The following ERMARD variants were observed in gnomAD, a reference collection of about 807,000 sequenced individuals.
The protein encoded by ERMARD is endoplasmic reticulum membrane-associated RNA degradation protein.
Under a neutral mutation model 83.9 loss-of-function variants are expected in ERMARD, and 71 were observed. The observed-to-expected ratio is 0.85, with a 90% CI of 0.70 to 1.03. ERMARD has a LOEUF of 1.03. ERMARD is among the 50% of genes least tolerant of loss of function. The pLI, the probability that ERMARD is intolerant of heterozygous loss-of-function variation, is 0.00. For missense variants in ERMARD, 838 were observed against 810.9 expected (o/e 1.03, Z -0.41); for synonymous variants, 284 against 298.6 (o/e 0.95, Z 0.50).
chr6:169,781,583 A>G lies in ERMARD; in HGVS notation c.*70A>G. ...GCGTGTAAATTAAAAACCCAAAGAC[A>G]GGGTGGAGTTGAGGGTCTGCTTGGC... On this transcript the variant is annotated 3_prime_UTR_variant, in exon 18 of 18. Transcript: ENST00000366773. 1.4e-6 allele frequency: 2 copies of G among 1,421,364 alleles called. No homozygotes were observed. Among genetic ancestry groups the G allele is most frequent in the Non-Finnish European group, 1.9e-6 (2 of 1,059,404 alleles). 88.0% of individuals were successfully genotyped at this position (1,421,364 alleles called of 1,614,324 possible).
At chr6:169,761,304 ACTC>A (rs1481943800) in intron 8 of ERMARD, among the ~76,000 whole-genome samples, 1 of 152,148 alleles carries the variant, frequency 6.6e-6, no homozygotes, top group African/African-American at 2.4e-5. Flanking sequence ...GCAGCCTTGA[ACTC>A]CTGGGCTCAA....
At chr6:169,768,334 C>T (rs1792468280) in intron 11 of ERMARD, among the ~76,000 whole-genome samples, 163 bp downstream of exon 11, 2 of 152,224 alleles carry the variant, frequency 1.3e-5, no homozygotes, top group Admixed American at 1.3e-4. Flanking sequence ...TGATGTTTGC[C>T]AAGCTGTCAC....
chr6:169,753,402 G>A (rs552194465), intron 1 of ERMARD: 1 of 154,394 alleles, frequency 6.5e-6, no homozygotes, highest in Admixed American at 6.5e-5. Context: ...CTTCTTGTTC[G>A]TTATACTTGG....
At chr6:169,774,983 G>A (rs1361130867) in intron 13 of ERMARD, among the ~76,000 whole-genome samples, 2 of 152,178 alleles carry the variant, frequency 1.3e-5, no homozygotes, top group African/African-American at 4.8e-5. Flanking sequence ...GCCAGAGCTC[G>A]TGCAGATTTG....
chr6:169,774,695 A>G (rs1365980345), intron 13 of ERMARD, among the ~76,000 whole-genome samples: 1 of 152,144 alleles, frequency 6.6e-6, no homozygotes, highest in Non-Finnish European at 1.5e-5. Context: ...CTCATACGCT[A>G]GTGGGTTAGA....
chr6:169,762,439 T>C lies in ERMARD; in HGVS notation c.868T>C (p.Cys290Arg), dbSNP rs1563018354. ...CCTTCAATTTCATAGGTTTGCTGAC[T>C]GCGCCATATTGTTGCTGACACAACT... ...VKFKSHRFADCAILLLTQLET... is the reference protein window; with the variant it reads ...VKFKSHRFADRAILLLTQLET... The change falls in exon 9 of 18, where the codon TGC becomes CGC. Residue 290 changes from cysteine (C) to arginine (R), a missense_variant. Transcript: ENST00000366773. The C allele has an allele frequency of 3.7e-6, 6 of 1,613,830 alleles. No individual in the cohort carries two copies. The highest frequency in any genetic ancestry group is 5.1e-6 in the Non-Finnish European group (6 of 1,179,912).
chr6:169,775,330 AC>A lies in ERMARD; in HGVS notation c.1379del (p.Thr460IlefsTer7). 6.2e-7 allele frequency: 1 copy of A among 1,614,066 alleles called. No individual in the cohort carries two copies. The highest frequency in any genetic ancestry group is 8.5e-7 in the Non-Finnish European group (1 of 1,179,958). ...TCTGCTGCCTTTCCCCGAAGAACTC[AC>A]TCGGCAAGCCGTCAGGTGCGTGGCA... The part of the protein sequence containing the change: ...WALLPFPEEL[T>X]RQAVRLEDNS... On this transcript the variant is annotated frameshift_variant, in exon 14 of 18. Coordinates refer to ENST00000366773, the MANE Select transcript of ERMARD (RefSeq NM_018341.3). LOFTEE classifies it high-confidence loss of function.
Position 169,776,050 on chromosome 6 carries a change from G to A in ERMARD, c.1505G>A (p.Arg502His), listed in dbSNP as rs41265401. The A allele has an allele frequency of 0.076, 122,858 of 1,613,750 alleles. 4,916 individuals carry two copies. The highest frequency in any genetic ancestry group is 0.12 in the East Asian group (5,467 of 44,880). ...ENRCVLKDLD[R>H]LPTETWPQLL... ...CGTTGTGTGTTAAAGGACTTGGATCGTCTTCCTACTGAGACGTAAGTTCCA... is the reference window on the plus strand; with the variant it reads ...CGTTGTGTGTTAAAGGACTTGGATCATCTTCCTACTGAGACGTAAGTTCCA... Residue 502 changes from arginine (R) to histidine (H), a missense_variant, in exon 15 of 18, where the codon CGT (arginine) becomes CAT (histidine). Transcript: ENST00000366773.
rs934498073 is a variant in ERMARD, at chr6:169,769,411, C to T, written c.1060-129C>T. The stretch of plus-strand genomic sequence containing the variant: ...CTGTGGGTGTAGGAGAAGAGCTCTC[C>T]CCAGCAGAGTCCCACCCAGGGCTTC... On this transcript the variant is annotated intron_variant, in intron 11 of 17. Transcript: ENST00000366773. 89 of 816,116 alleles carry T rather than the reference C, an allele frequency of 1.1e-4. 2 individuals are homozygous for T. The highest frequency in any genetic ancestry group is 5.4e-4 in the Middle Eastern group (2 of 3,716). 50.6% of individuals were successfully genotyped at this position (816,116 alleles called of 1,614,324 possible). A position where few individuals can be genotyped will look rare whatever the true frequency, so the allele number is the denominator to read the frequency against.
chr6:169,751,982 G>A (rs1015716930), intron 1 of ERMARD: 11 of 418,602 alleles, frequency 2.6e-5, no homozygotes, highest in African/African-American at 6.3e-5. Flanking sequence ...GAAAGCCGCA[G>A]GTCGGGCTCT....
At chr6:169,779,890 A>G (rs1236427954) in intron 17 of ERMARD, among the ~76,000 whole-genome samples, 3 of 152,202 alleles carry the variant, frequency 2.0e-5, no homozygotes, top group Non-Finnish European at 4.4e-5. Context: ...TTACATCCAG[A>G]GATTCCAAAC....
Position 169,769,707 on chromosome 6 carries a change from T to A in ERMARD, c.1227T>A (p.Val409=), listed in dbSNP as rs759897464. Residue 409 remains valine, a synonymous_variant, in exon 12 of 18, where the codon GTT becomes GTA. Transcript: ENST00000366773. ...TCGTTGATGACTGTCTGCTATCAGTTTTTAAGGTAATTTATAGGGAAGAAA... is the reference window on the plus strand; with the variant it reads ...TCGTTGATGACTGTCTGCTATCAGTATTTAAGGTAATTTATAGGGAAGAAA... ...LRFVDDCLLS[V]FKEKSAVELL... is the part of the protein sequence containing the mutation. 3.1e-6 allele frequency: 5 copies of A among 1,596,558 alleles called. No homozygotes were observed. Among genetic ancestry groups the A allele is most frequent in the Non-Finnish European group, 4.3e-6 (5 of 1,171,282 alleles).
At chr6:169,774,163 A>G (rs552139858) in intron 13 of ERMARD, among the ~76,000 whole-genome samples, 34 of 152,200 alleles carry the variant, frequency 2.2e-4, no homozygotes, top group African/African-American at 7.0e-4. Flanking sequence ...GTGAAACCCC[A>G]TCTCTACTAA....
At position 169,751,885 on chromosome 6, in the gene ERMARD, C is replaced by G. The variant is rs1790150637; in HGVS notation, c.6+222C>G. On this transcript the variant is annotated intron_variant, in intron 1 of 17. Transcript: ENST00000366773. Reference sequence around the variant, plus strand: ...GGCGGGCCCTGCCGGCCTCCCTGGGCCAGGCTCGGTTTCTCCGTCGCCTCC... The same window carrying G: ...GGCGGGCCCTGCCGGCCTCCCTGGGGCAGGCTCGGTTTCTCCGTCGCCTCC... 8.1e-6 allele frequency: 5 copies of G among 618,450 alleles called. 1 individual carries two copies. In the East Asian group the frequency reaches 1.8e-4, roughly 22 times the overall value. 38.3% of individuals were successfully genotyped at this position (618,450 alleles called of 1,614,324 possible).
intron 16 of ERMARD, among the ~76,000 whole-genome samples, chr6:169,778,848 CA>C (rs1216316718): frequency 3.3e-5 from 5 of 152,248 alleles, no homozygotes; most frequent in Admixed American, 1.3e-4. Flanking sequence ...GGGCAGCGAG[CA>C]GGGGGGCTGC....
intron 16 of ERMARD, among the ~76,000 whole-genome samples, chr6:169,778,269 T>C (rs1793819282): frequency 6.6e-6 from 1 of 152,258 alleles, no homozygotes; most frequent in Non-Finnish European, 1.5e-5. Context: ...GGACTTCCTG[T>C]GCTGATTTTC....
At position 169,762,418 on chromosome 6, in the gene ERMARD, C is replaced by T. The variant is rs111558820; in HGVS notation, c.858-11C>T. The T allele has an allele frequency of 1.8e-3, 2,904 of 1,609,012 alleles. 43 individuals carry two copies. In the African/African-American group the frequency reaches 0.032, roughly 18 times the overall value. On this transcript the variant is annotated splice_polypyrimidine_tract_variant and intron_variant, in intron 8 of 17. Coordinates refer to ENST00000366773, the MANE Select transcript of ERMARD (RefSeq NM_018341.3). Reference sequence around the variant, plus strand: ...TGTGGAGTTTTACCTCTTTTCCCTTCAATTTCATAGGTTTGCTGACTGCGC... The same window carrying T: ...TGTGGAGTTTTACCTCTTTTCCCTTTAATTTCATAGGTTTGCTGACTGCGC...
chr6:169,772,862 A>C (rs982827962), intron 12 of ERMARD, among the ~76,000 whole-genome samples: 2 of 150,834 alleles, frequency 1.3e-5, no homozygotes, highest in Non-Finnish European at 3.0e-5. Context: ...CATAGGTTTT[A>C]GTTGGCTGAC....
rs766174432 is a variant in ERMARD, at chr6:169,775,238, A to T, written c.1318-32A>T. 6 of 1,608,204 alleles carry T rather than the reference A, an allele frequency of 3.7e-6. No homozygotes were observed. In the African/African-American group the frequency reaches 8.0e-5, roughly 21 times the overall value. ...AGATTTTCTAGGAAGTTACTGTGAA[A>T]TCTACAAAAGCAATAAAACATTTCC... On this transcript the variant is annotated intron_variant, in intron 13 of 17. Transcript: ENST00000366773.
Sources: allele counts gnomAD v4.1 joint callset (sites outside exome capture counted in the v4.1 genomes callset), GRCh38; gene constraint gnomAD v4.1.1; transcripts MANE v1.5; gene names NCBI Gene and HGNC (gene_info 2026-07-23, HGNC 2026-07-21).